The following GPR179 variants were observed in gnomAD, a reference collection of about 807,000 sequenced individuals.
GPR179 encodes the protein G protein-coupled receptor 179, also known as probable G protein-coupled receptor 179.
A neutral mutation model predicts 70.8 loss-of-function variants in GPR179; 52 were observed. The ratio of observed to expected loss-of-function variants is 0.73; its 90% CI spans 0.59 to 0.93. The LOEUF is 0.93. GPR179 is among the 40% of genes least tolerant of loss of function. The pLI is 0.00. For missense variants in GPR179, 2,734 were observed against 2,966.8 expected, an observed-to-expected ratio of 0.92 and a Z score of 1.82; for synonymous variants, 1,123 against 1,169.0, an observed-to-expected ratio of 0.96 and a Z score of 0.80.
intron 10 of GPR179, 116 bp downstream of exon 10, chr17:38,333,135 G>A: frequency 2.3e-6 from 2 of 884,664 alleles, no homozygotes; most frequent in Non-Finnish European, 3.6e-6. Context: ...GAGAGGGCAG[G>A]TCTTGGAGGG....
chr17:38,342,952 C>T (rs780780236), intron 1 of GPR179, 44 bp downstream of exon 1: 67 of 1,536,924 alleles, frequency 4.4e-5, no homozygotes, highest in Non-Finnish European at 5.4e-5. Context: ...CTTCCTTCCC[C>T]TACATCCCCA....
At position 38,330,092 on chromosome 17, in the gene GPR179, A is replaced by C. The variant is rs753849613; in HGVS notation, c.3477T>G (p.Ala1159=). Residue 1159 remains alanine (A), a synonymous_variant, in exon 11 of 11, where the codon GCT becomes GCG. Coordinates refer to ENST00000616987, the MANE Select transcript of GPR179 (RefSeq NM_001004334.4). ...AGACTTGGAGCATCCTGCTGGTGTGAGCGTTCTGTTGGTTCTGGAGGGACT... is the reference window on the plus strand; with the variant it reads ...AGACTTGGAGCATCCTGCTGGTGTGCGCGTTCTGTTGGTTCTGGAGGGACT... ...DKESLQNQQN[A]HTSRMLQVCQ... is the part of the protein sequence containing the mutation. 1.2e-6 allele frequency: 2 copies of C among 1,613,474 alleles called. No individual in the cohort carries two copies. The highest frequency in any genetic ancestry group is 1.7e-6 in the Non-Finnish European group (2 of 1,179,712).
rs745499021 is a variant in GPR179 at position 38,330,120 on chromosome 17, T to A, written c.3449A>T (p.Lys1150Met). The change falls in exon 11 of 11, where the codon AAG (lysine) becomes ATG (methionine). Residue 1150 changes from lysine to methionine, a missense_variant. By Grantham distance (95) the Lys-to-Met change is moderately conservative. Coordinates refer to ENST00000616987, the MANE Select transcript of GPR179 (RefSeq NM_001004334.4). ...KQAALIPSDD[K>M]ESLQNQQNAH... ...GTTCTGTTGGTTCTGGAGGGACTCC[T>A]TGTCATCGGAGGGGATAAGAGCGGC... is the stretch of plus-strand genomic sequence containing the variant. 1 of 1,609,074 alleles carries A rather than the reference T, an allele frequency of 6.2e-7. No homozygotes were observed. Among genetic ancestry groups the A allele is most frequent in the South Asian group, 1.1e-5 (1 of 90,448 alleles).
At chr17:38,333,129 G>C in intron 10 of GPR179, 122 bp downstream of exon 10, 1 of 810,242 alleles carries the variant, frequency 1.2e-6, no homozygotes, top group East Asian at 2.6e-5. Context: ...AGAAGGGAGA[G>C]GGCAGGTCTT....
At position 38,324,872 on chromosome 17, in the gene GPR179, A is replaced by G. The variant is rs2037270585; in HGVS notation, c.*1593T>C. 6.6e-6 allele frequency among the ~76,000 whole-genome samples: 1 copy of G among 152,216 alleles called. No homozygotes were observed. The highest frequency in any genetic ancestry group is 2.4e-5 in the African/African-American group (1 of 41,456). ...CTCCATTCCTCTGTTCCCTTTTGGA[A>G]ATGGAGTACTTTTTTACTTTCTCTG... On this transcript the variant is annotated 3_prime_UTR_variant, in exon 11 of 11. Coordinates refer to ENST00000616987, the MANE Select transcript of GPR179 (RefSeq NM_001004334.4).
rs978987067 is a variant in GPR179 at position 38,334,158 on chromosome 17, C to A, written c.1785-120G>T. On this transcript the variant is annotated intron_variant, in intron 8 of 10. Coordinates refer to ENST00000616987, the MANE Select transcript of GPR179 (RefSeq NM_001004334.4). This position sits in a 1 kb window ranked among gnomAD's most constrained non-coding sequence, Gnocchi z 4.7. Reference sequence around the variant, plus strand: ...GATACGCTTAGGACGAGGGGGCATTCTGCCCTCTCCTGCCCTCTCCAGGAT... The same window carrying A: ...GATACGCTTAGGACGAGGGGGCATTATGCCCTCTCCTGCCCTCTCCAGGAT... 4.3e-6 allele frequency: 3 copies of A among 699,420 alleles called. No homozygotes were observed. Among genetic ancestry groups the A allele is most frequent in the Non-Finnish European group, 7.7e-6 (3 of 389,182 alleles). 43.3% of individuals were successfully genotyped at this position (699,420 alleles called of 1,614,324 possible). A position where few individuals can be genotyped will look rare whatever the true frequency, so the allele number is the denominator to read the frequency against.
intron 9 of GPR179, 76 bp downstream of exon 9, chr17:38,333,852 GGCGCT>G (rs1485235137): frequency 9.4e-7 from 1 of 1,064,306 alleles, no homozygotes; most frequent in East Asian, 2.5e-5. Context: ...GCCTGCAGAG[GGCGCT>G]GCGGGACAAC....
Position 38,328,013 on chromosome 17 carries a change from G to A in GPR179, c.5556C>T (p.Leu1852=). 3 of 1,614,024 alleles carry A rather than the reference G, an allele frequency of 1.9e-6. No homozygotes were observed. Among genetic ancestry groups the A allele is most frequent in the Non-Finnish European group, 2.5e-6 (3 of 1,179,946 alleles). The change falls in exon 11 of 11, where the codon CTC becomes CTT. Residue 1852 remains leucine (L), a synonymous_variant. Coordinates refer to ENST00000616987, the MANE Select transcript of GPR179 (RefSeq NM_001004334.4). ...QREKALEKGR[L]TSLGEDVSKG... is the part of the protein sequence containing the mutation. ...TTGATACGTCTTCTCCCAGGGAAGT[G>A]AGTCTCCCCTTTTCTAGAGCTTTCT...
At position 38,335,085 on chromosome 17, in the gene GPR179, G is replaced by A. The variant is rs1287377988; in HGVS notation, c.1593C>T (p.Gly531=). The change falls in exon 7 of 11, where the codon GGC becomes GGT. Residue 531 remains glycine, a synonymous_variant. Transcript: ENST00000616987. ...CGTGGTGACAGAGGTAGAAATGGCG[G>A]CCACTGGGAGTGTGGCCTCGGATCA... The part of the protein sequence containing the change: ...PLVIRGHTPS[G]RHFYLCHHDR... 1.2e-6 allele frequency: 2 copies of A among 1,613,454 alleles called. No individual in the cohort carries two copies. Among genetic ancestry groups the A allele is most frequent in the African/African-American group, 1.3e-5 (1 of 75,026 alleles).
In GPR179 at chr17:38,331,477, C is replaced by A; in HGVS notation, c.2092G>T (p.Ala698Ser). 1 of 1,613,922 alleles carries A rather than the reference C, an allele frequency of 6.2e-7. No homozygotes were observed. Among genetic ancestry groups the A allele is most frequent in the Non-Finnish European group, 8.5e-7 (1 of 1,179,858 alleles). ...TTGGGCAGGTGGGGGTTGTTTGCGG[C>A]CATTTCCTTGGTTTTGTGGACCTCT... ...QLEVHKTKEM[A>S]ANNPHLPKKR... is the part of the protein sequence containing the mutation. The change falls in exon 11 of 11, where the codon GCC becomes TCC. Residue 698 changes from alanine (A) to serine (S), a missense_variant. By Grantham distance (99) the Ala-to-Ser change is moderately conservative. Transcript: ENST00000616987.
rs368927152 is a variant in GPR179 at position 38,336,037 on chromosome 17, A to T, written c.1296+39T>A. On this transcript the variant is annotated intron_variant, in intron 5 of 10. Coordinates refer to ENST00000616987, the MANE Select transcript of GPR179 (RefSeq NM_001004334.4). The stretch of plus-strand genomic sequence containing the variant: ...GGGTGCCAGGTTTTGGCTATGGGGG[A>T]TGCTGGAAGGTGGGGCCAGCCTGTG... The T allele has an allele frequency of 2.7e-6, 4 of 1,471,548 alleles. No homozygotes were observed. The African/African-American group carries it at 5.5e-5, about 20-fold the overall frequency. 91.2% of individuals were successfully genotyped at this position (1,471,548 alleles called of 1,614,324 possible).
chr17:38,341,528 C>T (rs2144279408), intron 1 of GPR179, among the ~76,000 whole-genome samples: 2 of 152,340 alleles, frequency 1.3e-5, no homozygotes, highest in Non-Finnish European at 1.5e-5. Flanking sequence ...AGGAGCCAGG[C>T]TGCCTGCTGG....
chr17:38,334,598 C>T lies in GPR179; in HGVS notation c.1784+106G>A, dbSNP rs891933153. 79 of 1,263,198 alleles carry T rather than the reference C, an allele frequency of 6.3e-5. No individual in the cohort carries two copies. The highest frequency in any genetic ancestry group is 2.2e-4 in the Middle Eastern group (1 of 4,506). 78.2% of individuals were successfully genotyped at this position (1,263,198 alleles called of 1,614,324 possible). On this transcript the variant is annotated intron_variant, in intron 8 of 10. Transcript: ENST00000616987. The surrounding 1 kb of genome is among the most constrained non-coding windows in gnomAD (Gnocchi z 4.7). ...GGGGGCCTTCGTCAACGTGCTGAGG[C>T]GTAGCAGTGTTGCCAGGATGGCATG...
rs190741950 is a variant in GPR179, at chr17:38,334,312, A to G, written c.1785-274T>C. 4.3e-4 allele frequency among the ~76,000 whole-genome samples: 65 copies of G among 152,252 alleles called. No individual in the cohort carries two copies. Among genetic ancestry groups the G allele is most frequent in the Non-Finnish European group, 8.1e-4 (55 of 68,018 alleles). Reference sequence around the variant, plus strand: ...ACTCTTAGGCCCACTCTGTGGGTTAACTCTGCCTCCACCACAGGGTCTGGT... The same window carrying G: ...ACTCTTAGGCCCACTCTGTGGGTTAGCTCTGCCTCCACCACAGGGTCTGGT... On this transcript the variant is annotated intron_variant, in intron 8 of 10. Coordinates refer to ENST00000616987, the MANE Select transcript of GPR179 (RefSeq NM_001004334.4). This position sits in a 1 kb window ranked among gnomAD's most constrained non-coding sequence, Gnocchi z 4.7.
At position 38,334,147 on chromosome 17, in the gene GPR179, G is replaced by A. The variant is rs559516542; in HGVS notation, c.1785-109C>T. ...GCCCCAACCCTGATACGCTTAGGAC[G>A]AGGGGGCATTCTGCCCTCTCCTGCC... On this transcript the variant is annotated intron_variant, in intron 8 of 10. Transcript: ENST00000616987. The surrounding 1 kb of genome is among the most constrained non-coding windows in gnomAD (Gnocchi z 4.7). The A allele has an allele frequency of 2.5e-4, 197 of 798,952 alleles. No homozygotes were observed. The African/African-American group carries it at 3.1e-3, about 13-fold the overall frequency. The allele number at this position is 798,952 out of a possible 1,614,324, so 49.5% of individuals were successfully genotyped here. A position where few individuals can be genotyped will look rare whatever the true frequency, so the allele number is the denominator to read the frequency against.
chr17:38,329,317 G>T lies in GPR179; in HGVS notation c.4252C>A (p.Gln1418Lys). 1.2e-6 allele frequency: 2 copies of T among 1,612,948 alleles called. No individual in the cohort carries two copies. Among genetic ancestry groups the T allele is most frequent in the Non-Finnish European group, 8.5e-7 (1 of 1,179,626 alleles). ...KTRKATFWKE[Q>K]KPGGDLESLC... The stretch of plus-strand genomic sequence containing the variant: ...GACTCCAAGTCTCCTCCCGGTTTCT[G>T]TTCTTTCCAAAAGGTTGCTTTCCTG... The change falls in exon 11 of 11, where the codon CAG becomes AAG. Residue 1418 changes from glutamine to lysine, a missense_variant. Physicochemically the swap from Gln to Lys is moderately conservative, Grantham distance 53. Coordinates refer to ENST00000616987, the MANE Select transcript of GPR179 (RefSeq NM_001004334.4).
chr17:38,330,425 G>C lies in GPR179; in HGVS notation c.3144C>G (p.Asp1048Glu), dbSNP rs377070318. 1 of 1,595,954 alleles carries C rather than the reference G, an allele frequency of 6.3e-7. No individual in the cohort carries two copies. Among genetic ancestry groups the C allele is most frequent in the Non-Finnish European group, 8.6e-7 (1 of 1,169,152 alleles). The change falls in exon 11 of 11, where the codon GAC becomes GAG. Residue 1048 changes from aspartate (D) to glutamate (E), a missense_variant. Physicochemically the swap from Asp to Glu is conservative, Grantham distance 45. Coordinates refer to ENST00000616987, the MANE Select transcript of GPR179 (RefSeq NM_001004334.4). ...CCCTCTGGTGATGTGCATCCTCTGC[G>C]TCCATCTCATTCTCCCCAGCCCTGC... ...EKSRAGENEM[D>E]AEDAHHQREA...
At chr17:38,338,700 C>G (rs1193997823) in intron 2 of GPR179, among the ~76,000 whole-genome samples, 1 of 152,270 alleles carries the variant, frequency 6.6e-6, no homozygotes, top group East Asian at 1.9e-4. Context: ...CCAGCCCCAG[C>G]AGGCCACAGG....
At chr17:38,335,764 T>C in intron 5 of GPR179, 64 bp from the exon 6 acceptor site, 2 of 1,054,168 alleles carry the variant, frequency 1.9e-6, no homozygotes, top group African/African-American at 3.1e-5. Context: ...AGGCCTATGC[T>C]AAGCACACTG....
Sources: allele counts gnomAD v4.1 joint callset (sites outside exome capture counted in the v4.1 genomes callset), GRCh38; gene constraint gnomAD v4.1.1; non-coding constraint Gnocchi (gnomAD v3.1); transcripts MANE v1.5; gene names NCBI Gene and HGNC (gene_info 2026-07-23, HGNC 2026-07-21).